Variants in SLC5A9 observed in about 807,000 individuals in gnomAD.
SLC5A9 encodes the protein sodium/glucose cotransporter 4.
Under a neutral mutation model 70.9 loss-of-function variants are expected in SLC5A9, and 59 were observed. That is an observed-to-expected ratio of 0.83 (90% CI 0.68 to 1.03). The LOEUF (loss-of-function observed/expected upper bound fraction) is 1.03, where lower values mean the gene tolerates loss of function less well. Ranked by LOEUF, SLC5A9 falls within the 50% of genes least tolerant of loss-of-function variation. The probability of loss-of-function intolerance (pLI) is 0.00; values close to 1 mark genes in which losing one functional copy is unlikely to be tolerated. For synonymous variants in SLC5A9, 340 were observed against 346.5 expected (o/e 0.98, Z 0.21); for missense variants, 832 against 881.1 (o/e 0.94, Z 0.71).
chr1:48,229,693 C>T, intron 4 of SLC5A9: 3 of 562,880 alleles, frequency 5.3e-6, no homozygotes. Context: ...AATCACAATC[C>T]AGAGTTCATT....
At chr1:48,240,084 T>C (rs1198091976) in intron 12 of SLC5A9, among the ~76,000 whole-genome samples, 1 of 152,230 alleles carries the variant, frequency 6.6e-6, no homozygotes, top group African/African-American at 2.4e-5. Flanking sequence ...CCTTGAACAC[T>C]TACAGCCTAG....
Position 48,242,565 on chromosome 1 carries a change from G to A in SLC5A9, c.1786G>A (p.Ala596Thr). ...ISERPAGECP[A>T]GGGAAENSSL... The stretch of plus-strand genomic sequence containing the variant: ...CGAGAGGCCAGCCGGGGAGTGCCCT[G>A]CAGGAGGTGGAGCGGCAGAGAACTC... Residue 596 changes from alanine (A) to threonine (T), a missense_variant, in exon 13 of 14, where the codon GCA becomes ACA. Ala to Thr is a moderately conservative substitution (Grantham distance 58, BLOSUM62 0). Coordinates refer to ENST00000438567, the MANE Select transcript of SLC5A9 (RefSeq NM_001011547.3). 1.2e-6 allele frequency: 2 copies of A among 1,613,438 alleles called. No homozygotes were observed. Among genetic ancestry groups the A allele is most frequent in the Non-Finnish European group, 8.5e-7 (1 of 1,179,686 alleles).
At chr1:48,233,930 A>C (rs554684703) in intron 9 of SLC5A9, among the ~76,000 whole-genome samples, 168 bp downstream of exon 9, 1 of 152,316 alleles carries the variant, frequency 6.6e-6, no homozygotes, top group South Asian at 2.1e-4. Flanking sequence ...ATTTGTACGT[A>C]AGACACCAGC....
In SLC5A9 at chr1:48,233,669, G is replaced by A. The variant is rs376023192; in HGVS notation, c.1048G>A (p.Val350Met). 2.3e-5 allele frequency: 37 copies of A among 1,613,822 alleles called. No individual in the cohort carries two copies. In the East Asian group the frequency reaches 3.8e-4, roughly 17 times the overall value. The change falls in exon 9 of 14, where the codon GTG (valine) becomes ATG (methionine). Residue 350 changes from valine to methionine, a missense_variant. Transcript: ENST00000438567. ...TTCTTCCACAGACGAGGTGGGCTGC[G>A]TGGACCCTGATGTCTGCCAAAGAAT... ...RALFPDEVGC[V>M]DPDVCQRICG...
Position 48,222,761 on chromosome 1 carries a change from G to A in SLC5A9, c.25G>A (p.Gly9Arg), listed in dbSNP as rs1379958259. The A allele has an allele frequency of 6.2e-7, 1 of 1,614,160 alleles. No homozygotes were observed. The highest frequency in any genetic ancestry group is 2.2e-5 in the East Asian group (1 of 44,880). Residue 9 changes from glycine to arginine, a missense_variant, in exon 1 of 14, where the codon GGG (glycine) becomes AGG (arginine). Physicochemically the swap from Gly to Arg is moderately radical, Grantham distance 125 (BLOSUM62 -2). Transcript: ENST00000438567. The stretch of plus-strand genomic sequence containing the variant: ...GATGAGCAAGGAGCTGGCAGCAATG[G>A]GGCCTGGAGCTTCAGGGGACGGGGT... MSKELAAM[G>R]PGASGDGVRT... is the part of the protein sequence containing the mutation.
At chr1:48,241,117 A>C (rs1347638170) in intron 12 of SLC5A9, 1 of 152,108 alleles carries the variant, frequency 6.6e-6, no homozygotes, top group Non-Finnish European at 1.5e-5. Flanking sequence ...CTGCTCCTGA[A>C]ATATCAGTGT....
Position 48,224,704 on chromosome 1 carries a change from C to T in SLC5A9, c.163-20C>T. On this transcript the variant is annotated intron_variant, in intron 1 of 13. Coordinates refer to ENST00000438567, the MANE Select transcript of SLC5A9 (RefSeq NM_001011547.3). ...TCAGAGAGTCTTGAGAAATCCTCAT[C>T]TCATCTATTTCCTTTCCAGTCGTCC... The T allele has an allele frequency of 6.2e-7, 1 of 1,613,294 alleles. No individual in the cohort carries two copies. Among genetic ancestry groups the T allele is most frequent in the Non-Finnish European group, 8.5e-7 (1 of 1,179,284 alleles).
intron 4 of SLC5A9, 64 bp from the exon 5 acceptor site, chr1:48,230,536 G>A (rs986981399): frequency 5.6e-6 from 6 of 1,070,348 alleles, no homozygotes; most frequent in Non-Finnish European, 7.3e-6. Flanking sequence ...GGCAGGTGAT[G>A]TGTCCATACA....
intron 4 of SLC5A9, 103 bp downstream of exon 4, chr1:48,229,562 T>C: frequency 1.3e-6 from 2 of 1,534,464 alleles, no homozygotes; most frequent in Non-Finnish European, 1.8e-6. Context: ...TGACAATCAC[T>C]GTTGAAAAAA....
chr1:48,229,505 A>G (rs1644216590), intron 4 of SLC5A9, 46 bp downstream of exon 4: 1 of 1,605,872 alleles, frequency 6.2e-7, no homozygotes, highest in East Asian at 2.2e-5. Flanking sequence ...AATGCTAATT[A>G]GGGAACTGCT....
At chr1:48,225,010 C>G (rs1224598509) in intron 2 of SLC5A9, among the ~76,000 whole-genome samples, 4 of 152,076 alleles carry the variant, frequency 2.6e-5, no homozygotes, top group African/African-American at 9.7e-5. Context: ...TCCCCTGGCC[C>G]CTCCTAGGTG....
At chr1:48,231,916 A>T in intron 6 of SLC5A9, 30 bp from the exon 7 acceptor site, 2 of 1,613,410 alleles carry the variant, frequency 1.2e-6, no homozygotes, top group South Asian at 1.1e-5. Flanking sequence ...GTGGGGTTTC[A>T]GGGCTGCTTC....
Position 48,239,221 on chromosome 1 carries a change from C to A in SLC5A9, c.1462-101C>A. 2.3e-6 allele frequency: 2 copies of A among 858,264 alleles called. No homozygotes were observed. Among genetic ancestry groups the A allele is most frequent in the Non-Finnish European group, 3.7e-6 (2 of 538,830 alleles). The allele number at this position is 858,264 out of a possible 1,614,324, so 53.2% of individuals were successfully genotyped here. A position where few individuals can be genotyped will look rare whatever the true frequency, so the allele number is the denominator to read the frequency against. On this transcript the variant is annotated intron_variant, in intron 11 of 13. Coordinates refer to ENST00000438567, the MANE Select transcript of SLC5A9 (RefSeq NM_001011547.3). The surrounding 1 kb of genome is among the most constrained non-coding windows in gnomAD (Gnocchi z 4.2). ...TAGTAGATGGATTTGCCCAACATGG[C>A]AATAAACCAGTGGGAGAGAGATTTG...
chr1:48,235,063 G>A (rs951945726), intron 9 of SLC5A9, among the ~76,000 whole-genome samples: 51 of 152,140 alleles, frequency 3.4e-4, no homozygotes, highest in Non-Finnish European at 5.7e-4. Context: ...CTCCCCAGGG[G>A]TGAGCAGCCA....
At chr1:48,240,233 T>A (rs1244363568) in intron 12 of SLC5A9, among the ~76,000 whole-genome samples, 1 of 152,204 alleles carries the variant, frequency 6.6e-6, no homozygotes, top group African/African-American at 2.4e-5. Context: ...TCTCTGTGGC[T>A]TGTAAAAGAC....
chr1:48,231,521 T>G, intron 5 of SLC5A9, 24 bp from the exon 6 acceptor site: 1 of 1,612,744 alleles, frequency 6.2e-7, no homozygotes, highest in East Asian at 2.2e-5. Flanking sequence ...TGCTGACTGA[T>G]GAGCCCTCTC....
intron 12 of SLC5A9, chr1:48,241,934 A>G (rs1398597110): frequency 4.4e-6 from 2 of 455,936 alleles, no homozygotes; most frequent in Admixed American, 4.7e-5. Context: ...TCCTTTACCC[A>G]TTTCCTCAGG....
At chr1:48,241,778 A>G (rs1644393898) in intron 12 of SLC5A9, among the ~76,000 whole-genome samples, 1 of 151,294 alleles carries the variant, frequency 6.6e-6, no homozygotes. Context: ...CAGCACTAAT[A>G]CCCACTCCTT....
chr1:48,227,200 GTGTGAGTGCA>G (rs1332930865), intron 2 of SLC5A9, among the ~76,000 whole-genome samples: 1 of 150,408 alleles, frequency 6.6e-6, no homozygotes, highest in South Asian at 2.1e-4. Flanking sequence ...CTGTGCCTGT[GTGTGAGTGCA>G]TGTGTGTGTG....
Sources: gnomAD v4.1 joint callset for allele counts (sites outside exome capture counted in the v4.1 genomes callset) on GRCh38, gnomAD v4.1.1 for gene constraint, Gnocchi (gnomAD v3.1) non-coding constraint, MANE v1.5 for transcripts, NCBI Gene and HGNC (gene_info 2026-07-23, HGNC 2026-07-21) for gene names.